DRG1: variants seen among roughly 807,000 people sequenced by gnomAD.
DRG1 encodes developmentally-regulated GTP-binding protein 1.
Under a neutral mutation model 38.8 loss-of-function variants are expected in DRG1, and 19 were observed. The ratio of observed to expected loss-of-function variants is 0.49; its 90% CI spans 0.34 to 0.72. The LOEUF is 0.72. DRG1 is among the 30% of genes least tolerant of loss of function. The pLI, the probability that DRG1 is intolerant of heterozygous loss-of-function variation, is 0.01. For missense variants in DRG1, 299 were observed against 444.8 expected, an observed-to-expected ratio of 0.67 and a Z score of 2.95; for synonymous variants, 167 against 157.5, an observed-to-expected ratio of 1.06 and a Z score of -0.45.
chr22:31,401,410 C>T (rs571695010), intron 2 of DRG1, among the ~76,000 whole-genome samples: 3 of 151,574 alleles, frequency 2.0e-5, no homozygotes, highest in South Asian at 4.2e-4. Context: ...GAAACCCCAT[C>T]TCTACTAAAA....
rs769874358 is a variant in DRG1, at chr22:31,406,708, A to G, written c.342+3504A>G. On this transcript the variant is annotated intron_variant, in intron 3 of 8. Transcript: ENST00000331457. ...AAAAAAAAAGTTGCAAACATAGTACAAAGAGTTCTCGTATCACTTGCCTGC... is the reference window on the plus strand; with the variant it reads ...AAAAAAAAAGTTGCAAACATAGTACGAAGAGTTCTCGTATCACTTGCCTGC... Among the ~76,000 whole-genome samples the G allele has an allele frequency of 3.9e-5, 6 of 152,210 alleles. No homozygotes were observed. The East Asian group carries it at 7.7e-4, about 20-fold the overall frequency.
chr22:31,423,521 GTCTT>G, intron 6 of DRG1, 111 bp downstream of exon 6: 8 of 665,646 alleles, frequency 1.2e-5, no homozygotes, highest in Non-Finnish European at 1.8e-5. Context: ...TTGTCCTACT[GTCTT>G]TTTTTTTTTT....
intron 8 of DRG1, among the ~76,000 whole-genome samples, chr22:31,430,678 C>T (rs892476109): frequency 2.6e-5 from 4 of 151,992 alleles, no homozygotes; most frequent in African/African-American, 7.2e-5. Context: ...GGATTACAGG[C>T]GTGAGCCATC....
intron 5 of DRG1, chr22:31,421,508 GAGA>G (rs1427542720): frequency 6.6e-6 from 1 of 151,992 alleles, no homozygotes; most frequent in East Asian, 1.9e-4. Flanking sequence ...TGGAGGGAAG[GAGA>G]AGATCAGGAT....
chr22:31,424,323 G>A (rs1479632564), intron 6 of DRG1, among the ~76,000 whole-genome samples: 1 of 151,526 alleles, frequency 6.6e-6, no homozygotes, highest in Non-Finnish European at 1.5e-5. Flanking sequence ...AGCTAATTTT[G>A]TATTTTTAGT....
At chr22:31,417,190 T>G (rs941101930) in intron 4 of DRG1, among the ~76,000 whole-genome samples, 4 of 150,674 alleles carry the variant, frequency 2.7e-5, no homozygotes, top group Admixed American at 2.6e-4. Flanking sequence ...GCCAAGGTGG[T>G]GAAACCCCGT....
chr22:31,411,162 G>A lies in DRG1; in HGVS notation c.412+81G>A, dbSNP rs372266134. ...CTTTTAGTCAGGGACTACTTGGCTT[G>A]GAGATTATACCACAGTGAAGGGCAT... On this transcript the variant is annotated intron_variant, in intron 4 of 8. Coordinates refer to ENST00000331457, the MANE Select transcript of DRG1 (RefSeq NM_004147.4). 2.2e-4 allele frequency: 323 copies of A among 1,482,918 alleles called. 1 individual carries two copies. In the East Asian group the frequency reaches 6.2e-3, roughly 28 times the overall value. The allele number at this position is 1,482,918 out of a possible 1,614,324, so 91.9% of individuals were successfully genotyped here. A position where few individuals can be genotyped will look rare whatever the true frequency, so the allele number is the denominator to read the frequency against.
chr22:31,424,483 GGTTTCT>G (rs2050096209), intron 6 of DRG1, among the ~76,000 whole-genome samples: 1 of 132,114 alleles, frequency 7.6e-6, no homozygotes, highest in African/African-American at 2.7e-5. Context: ...GTGGGGCTTT[GGTTTCT>G]TTTTTTTTTT....
chr22:31,403,749 G>A (rs138234489), intron 3 of DRG1, among the ~76,000 whole-genome samples: 612 of 152,042 alleles, frequency 4.0e-3, no homozygotes, highest in African/African-American at 0.014. Flanking sequence ...CCCAAAATGC[G>A]GGATTACAGG....
At chr22:31,426,480 T>G in intron 6 of DRG1, 135 bp from the exon 7 acceptor site, 6 of 728,088 alleles carry the variant, frequency 8.2e-6, no homozygotes, top group African/African-American at 1.8e-5. Context: ...TCTTTTTTCT[T>G]TTTCTGGCTG....
intron 4 of DRG1, among the ~76,000 whole-genome samples, chr22:31,414,729 ACT>A (rs905237051): frequency 1.3e-5 from 2 of 149,472 alleles, no homozygotes; most frequent in South Asian, 4.2e-4. Flanking sequence ...TAAGGAGGAA[ACT>A]CTACCAAAAG....
At chr22:31,402,572 G>A (rs562778909) in intron 2 of DRG1, among the ~76,000 whole-genome samples, 1 of 135,994 alleles carries the variant, frequency 7.4e-6, no homozygotes, top group South Asian at 2.5e-4. Flanking sequence ...ACAGTGGTGT[G>A]ATCACAGCTC....
intron 3 of DRG1, among the ~76,000 whole-genome samples, chr22:31,406,572 G>A (rs908344390): frequency 2.0e-5 from 3 of 151,840 alleles, no homozygotes; most frequent in Non-Finnish European, 4.4e-5. Flanking sequence ...CTCCTAGGGA[G>A]GTTGAGGCAG....
chr22:31,432,608 A>G (rs1173180733), intron 8 of DRG1, among the ~76,000 whole-genome samples: 1 of 151,922 alleles, frequency 6.6e-6, no homozygotes, highest in Non-Finnish European at 1.5e-5. Context: ...TTGTATTTTT[A>G]GTAGAGATGG....
rs1197429095 is a variant in DRG1 at position 31,400,735 on chromosome 22, C to T, written c.158C>T (p.Pro53Leu). Residue 53 changes from proline (P) to leucine (L), a missense_variant, in exon 2 of 9, where the codon CCA becomes CTA. Around this residue, in one of 3 missense-constraint regions of DRG1, gnomAD observed 50 missense variants for 120.6 expected, o/e 0.41. Transcript: ENST00000331457. ...ITPKGGGGGG[P>L]GEGFDVAKTG... is the part of the protein sequence containing the mutation. ...CCAAAGGGTGGTGGTGGTGGAGGTC[C>T]AGGAGAAGGTTTGTGTTCTTCTTCA... 1 of 1,612,198 alleles carries T rather than the reference C, an allele frequency of 6.2e-7. No homozygotes were observed. Among genetic ancestry groups the T allele is most frequent in the East Asian group, 2.2e-5 (1 of 44,836 alleles).
intron 4 of DRG1, among the ~76,000 whole-genome samples, chr22:31,419,092 G>C (rs1014582261): frequency 6.6e-6 from 1 of 152,052 alleles, no homozygotes; most frequent in African/African-American, 2.4e-5. Context: ...TGGGATTATA[G>C]GTATGAGCTC....
At chr22:31,431,031 CCCG>C (rs1569052809) in intron 8 of DRG1, among the ~76,000 whole-genome samples, 9 of 87,664 alleles carry the variant, frequency 1.0e-4, no homozygotes, top group African/African-American at 1.6e-4. Flanking sequence ...CCCCCCCCCC[CCCG>C]CTTTTTTTTT....
At chr22:31,420,901 AAGTAG>A (rs2050073173) in intron 5 of DRG1, among the ~76,000 whole-genome samples, 1 of 152,216 alleles carries the variant, frequency 6.6e-6, no homozygotes, top group Non-Finnish European at 1.5e-5. Flanking sequence ...TAAGAACACA[AAGTAG>A]GGAAAGGAGA....
intron 4 of DRG1, among the ~76,000 whole-genome samples, chr22:31,415,934 C>T (rs1396248690): frequency 6.6e-6 from 1 of 152,034 alleles, no homozygotes; most frequent in Non-Finnish European, 1.5e-5. Context: ...TATGCCTTGT[C>T]TCTAACATTA....
Sources: allele counts gnomAD v4.1 joint callset (sites outside exome capture counted in the v4.1 genomes callset), GRCh38; gene constraint gnomAD v4.1.1; regional missense constraint gnomAD v4.1.1; transcripts MANE v1.5; gene names NCBI Gene and HGNC (gene_info 2026-07-23, HGNC 2026-07-21).